The following IPMK variants were observed in gnomAD, a reference collection of about 807,000 sequenced individuals.
IPMK encodes inositol 1,3,4,6-tetrakisphosphate 5-kinase.
IPMK carries 17 observed loss-of-function variants against 45.8 expected under a neutral mutation model. The ratio of observed to expected loss-of-function variants is 0.37; its 90% CI spans 0.25 to 0.56. The LOEUF is 0.56. IPMK is among the 20% of genes least tolerant of loss of function. The pLI is 0.79. For missense variants in IPMK, 399 were observed against 498.0 expected (o/e 0.80, Z 1.89); for synonymous variants, 180 against 184.3 (o/e 0.98, Z 0.19).
chr10:58,217,688 C>CAAAAAAAAAAA (rs11393849), intron 3 of IPMK, among the ~76,000 whole-genome samples: 1,094 of 49,154 alleles, frequency 0.022, 55 homozygotes, highest in East Asian at 0.029. Context: ...AACTCCATCT[C>CAAAAAAAAAAA]AAAAAAAAAA....
intron 3 of IPMK, among the ~76,000 whole-genome samples, chr10:58,219,844 G>C (rs115605532): frequency 0.01 from 1,533 of 152,280 alleles, 21 homozygotes; most frequent in African/African-American, 0.034. Flanking sequence ...ACGTATCATA[G>C]ACAAAGAAGT....
intron 1 of IPMK, among the ~76,000 whole-genome samples, chr10:58,264,664 A>G (rs1428039820): frequency 6.6e-6 from 1 of 152,202 alleles, no homozygotes; most frequent in Non-Finnish European, 1.5e-5. Context: ...TTTAATAAGT[A>G]CATTACTTAT....
intron 3 of IPMK, among the ~76,000 whole-genome samples, chr10:58,220,560 A>C (rs1237492073): frequency 6.6e-6 from 1 of 152,212 alleles, no homozygotes; most frequent in Non-Finnish European, 1.5e-5. Context: ...AATGCAGATA[A>C]TTACAGACTC....
rs368863795 is a variant in IPMK, at chr10:58,267,574, G to A, written c.38C>T (p.Ala13Val). Residue 13 changes from alanine (A) to valine (V), a missense_variant, in exon 1 of 6, where the codon GCG becomes GTG. Transcript: ENST00000373935. ...GGTCCGCATTTCTGGGGGGCCCGGC[G>A]CCTCGACCCGGAGGGGGGATGGTGG... ...TEPPSPLRVE[A>V]PGPPEMRTSP... 3 of 1,607,722 alleles carry A rather than the reference G, an allele frequency of 1.9e-6. No individual in the cohort carries two copies. The highest frequency in any genetic ancestry group is 2.5e-6 in the Non-Finnish European group (3 of 1,177,478).
chr10:58,242,465 AAAAAAAAAAAG>A (rs1252588069), intron 1 of IPMK, among the ~76,000 whole-genome samples: 1 of 148,268 alleles, frequency 6.7e-6, no homozygotes, highest in African/African-American at 2.5e-5. Context: ...GTCTCAAAAA[AAAAAAAAAAAG>A]AAAAGAAAAC....
At chr10:58,253,734 CAAAAA>C (rs1183304261) in intron 1 of IPMK, among the ~76,000 whole-genome samples, 7 of 49,886 alleles carry the variant, frequency 1.4e-4, no homozygotes, top group African/African-American at 5.8e-4. Flanking sequence ...ACTCCATCTC[CAAAAA>C]AAAAAAAAAA....
At chr10:58,264,324 GTTAA>G (rs1156799615) in intron 1 of IPMK, among the ~76,000 whole-genome samples, 1 of 152,106 alleles carries the variant, frequency 6.6e-6, no homozygotes, top group African/African-American at 2.4e-5. Flanking sequence ...ATTATTTTAG[GTTAA>G]TTAGTTTCAG....
intron 1 of IPMK, among the ~76,000 whole-genome samples, chr10:58,250,575 G>C (rs1261096814): frequency 1.3e-5 from 2 of 151,992 alleles, no homozygotes; most frequent in Non-Finnish European, 2.9e-5. Flanking sequence ...ACAGTATTTT[G>C]GTGGAGTCTT....
At chr10:58,243,855 T>A (rs1453873945) in intron 1 of IPMK, among the ~76,000 whole-genome samples, 1 of 151,628 alleles carries the variant, frequency 6.6e-6, no homozygotes, top group East Asian at 1.9e-4. Flanking sequence ...GGAGACCCTC[T>A]GCCCGGCCGC....
At chr10:58,204,749 C>G (rs768606156) in intron 4 of IPMK, among the ~76,000 whole-genome samples, 5 of 152,088 alleles carry the variant, frequency 3.3e-5, no homozygotes, top group Non-Finnish European at 5.9e-5. Context: ...AAGACACGAT[C>G]ACGCTACTGC....
intron 1 of IPMK, among the ~76,000 whole-genome samples, chr10:58,238,781 A>G (rs1225209998): frequency 1.3e-5 from 2 of 152,168 alleles, no homozygotes; most frequent in Non-Finnish European, 2.9e-5. Flanking sequence ...TAATAATGGC[A>G]AAAATGCAGA....
At chr10:58,224,927 G>A (rs1033121775) in intron 3 of IPMK, among the ~76,000 whole-genome samples, 7 of 152,114 alleles carry the variant, frequency 4.6e-5, no homozygotes, top group Non-Finnish European at 8.8e-5. Flanking sequence ...GCAATCAAAA[G>A]GATAAAAACA....
Position 58,196,266 on chromosome 10 carries a change from A to C in IPMK, c.1061T>G (p.Leu354Ter). 6.2e-7 allele frequency: 1 copy of C among 1,614,148 alleles called. No homozygotes were observed. Among genetic ancestry groups the C allele is most frequent in the South Asian group, 1.1e-5 (1 of 91,088 alleles). The change falls in exon 6 of 6, where the codon TTA becomes TGA. Residue 354 changes from leucine to a stop codon, truncating the protein, a stop_gained. Coordinates refer to ENST00000373935, the MANE Select transcript of IPMK (RefSeq NM_152230.5). LOFTEE classifies it high-confidence loss of function. ...CAGTTGGGAAAGTACATTTCCATTT[A>C]AATGTTCCTGTGACATGCTTTTCCA... ...NGWKSMSQEH[L>*]NGNVLSQLEK...
At chr10:58,236,640 C>T (rs550663156) in intron 2 of IPMK, among the ~76,000 whole-genome samples, 1 of 152,168 alleles carries the variant, frequency 6.6e-6, no homozygotes, top group South Asian at 2.1e-4. Flanking sequence ...TGTCGTGGCT[C>T]AAGCCCGTAA....
chr10:58,255,689 T>A (rs891312733), intron 1 of IPMK, among the ~76,000 whole-genome samples: 14 of 152,164 alleles, frequency 9.2e-5, no homozygotes, highest in African/African-American at 3.4e-4. Flanking sequence ...GAATTTTCTA[T>A]GATAAACATA....
Position 58,194,628 on chromosome 10 carries a change from C to T in IPMK, c.*1448G>A, listed in dbSNP as rs1837865380. 1 of 151,886 alleles carries T rather than the reference C, an allele frequency of 6.6e-6. No homozygotes were observed. The highest frequency in any genetic ancestry group is 6.6e-5 in the Admixed American group (1 of 15,254). The allele number at this position is 151,886 out of a possible 1,614,324, so 9.4% of individuals were successfully genotyped here. A position where few individuals can be genotyped will look rare whatever the true frequency, so the allele number is the denominator to read the frequency against. ...CATAAAATTGTGATAATTTTCTCCA[C>T]ACCACAATAAAGGTGCTCGGATTTA... is the stretch of plus-strand genomic sequence containing the variant. On this transcript the variant is annotated 3_prime_UTR_variant, in exon 6 of 6. Transcript: ENST00000373935.
At chr10:58,240,151 C>T (rs925638277) in intron 1 of IPMK, among the ~76,000 whole-genome samples, 15 of 151,334 alleles carry the variant, frequency 9.9e-5, no homozygotes, top group African/African-American at 3.6e-4. Context: ...GCTAAAGAAA[C>T]AATAGAAAAA....
intron 1 of IPMK, among the ~76,000 whole-genome samples, chr10:58,258,614 A>C (rs997970669): frequency 6.6e-6 from 1 of 152,162 alleles, no homozygotes; most frequent in African/African-American, 2.4e-5. Context: ...ACACCCTCCT[A>C]ATTATTAATG....
intron 1 of IPMK, among the ~76,000 whole-genome samples, chr10:58,259,672 A>AAC (rs1839029116): frequency 1.1e-5 from 1 of 94,578 alleles, no homozygotes; most frequent in Non-Finnish European, 2.2e-5. Flanking sequence ...ATCTCTACAT[A>AAC]AAAAAAAAAA....
Sources: allele counts gnomAD v4.1 joint callset (sites outside exome capture counted in the v4.1 genomes callset), GRCh38; gene constraint gnomAD v4.1.1; transcripts MANE v1.5; gene names NCBI Gene and HGNC (gene_info 2026-07-23, HGNC 2026-07-21).